Variants in ZNF276 observed in about 807,000 individuals in gnomAD.
The protein encoded by ZNF276 is zinc finger protein 276, also known as centromere protein Z.
In ZNF276, 59 loss-of-function variants were observed where a neutral mutation model predicts 63.9. That is an observed-to-expected ratio of 0.92 (90% CI 0.75 to 1.15). The LOEUF (loss-of-function observed/expected upper bound fraction) is 1.15, where lower values mean the gene tolerates loss of function less well. ZNF276 is among the 50% of genes most tolerant of loss of function. The pLI, the probability that ZNF276 is intolerant of heterozygous loss-of-function variation, is 0.00. For missense variants in ZNF276, 1,084 were observed against 843.8 expected, an observed-to-expected ratio of 1.28 and a Z score of -3.53; for synonymous variants, 496 against 348.4, an observed-to-expected ratio of 1.42 and a Z score of -4.72.
intron 2 of ZNF276, 115 bp downstream of exon 2, chr16:89,722,949 A>G: frequency 1.9e-6 from 3 of 1,556,630 alleles, no homozygotes; most frequent in South Asian, 2.4e-5. Context: ...GGAATGGGCC[A>G]TGCCCGGGTT....
Position 89,738,719 on chromosome 16 carries a change from G to C in ZNF276, c.*473G>C. The C allele has an allele frequency of 1.2e-6, 2 of 1,613,722 alleles. No homozygotes were observed. The highest frequency in any genetic ancestry group is 1.7e-6 in the Non-Finnish European group (2 of 1,179,858). ...ACGATCAGCCAGCAGCTGTGAGAGA[G>C]GAGCAGGTCCTCAGCCCATGCCGCC... is the stretch of plus-strand genomic sequence containing the variant. On this transcript the variant is annotated 3_prime_UTR_variant, in exon 11 of 11. Transcript: ENST00000443381.
At chr16:89,723,079 C>T (rs919216917) in intron 2 of ZNF276, 58 bp from the exon 3 acceptor site, 5 of 1,612,314 alleles carry the variant, frequency 3.1e-6, no homozygotes, top group Non-Finnish European at 4.2e-6. Context: ...TCCCGTACGA[C>T]GAGCGCTGTG....
chr16:89,722,355 C>T (rs1257326263), intron 1 of ZNF276, among the ~76,000 whole-genome samples, 176 bp from the exon 2 acceptor site: 1 of 152,244 alleles, frequency 6.6e-6, no homozygotes. Flanking sequence ...GGACCAGCGG[C>T]CACATCCCCC....
chr16:89,740,669 GTTCTCACTCACAC>G lies in ZNF276; in HGVS notation c.*2427_*2439del, dbSNP rs2062109228. On this transcript the variant is annotated 3_prime_UTR_variant, in exon 11 of 11. Coordinates refer to ENST00000443381, the MANE Select transcript of ZNF276 (RefSeq NM_001113525.2). ...AAAAAAAAAAACCCACGGCCTGGGA[GTTCTCACTCACAC>G]TTCCGCAAACACAAGGAGCTCCTGA... The G allele has an allele frequency of 1.4e-6, 1 of 697,600 alleles. No individual in the cohort carries two copies. Among genetic ancestry groups the G allele is most frequent in the Non-Finnish European group, 2.5e-6 (1 of 393,844 alleles). 43.2% of individuals were successfully genotyped at this position (697,600 alleles called of 1,614,324 possible).
intron 9 of ZNF276, among the ~76,000 whole-genome samples, chr16:89,737,080 G>A (rs1439814809): frequency 1.3e-5 from 2 of 152,274 alleles, no homozygotes; most frequent in South Asian, 2.1e-4. Context: ...CTTTGTTCAA[G>A]GGTGTGAGAA....
rs536287114 is a variant in ZNF276 at position 89,738,498 on chromosome 16, G to A, written c.*252G>A. 11 of 1,550,130 alleles carry A rather than the reference G, an allele frequency of 7.1e-6. No individual in the cohort carries two copies. Among genetic ancestry groups the A allele is most frequent in the East Asian group, 2.3e-5 (1 of 44,424 alleles). ...GATTCCTTTCCCCACTAAAGCAGTC[G>A]AGGAGATTTGTAATCCACTTTTTAG... On this transcript the variant is annotated 3_prime_UTR_variant, in exon 11 of 11. Transcript: ENST00000443381.
rs1359653342 is a variant in ZNF276 at position 89,738,141 on chromosome 16, A to C, written c.1740A>C (p.Thr580=). Residue 580 remains threonine (T), a synonymous_variant, in exon 11 of 11, where the codon ACA becomes ACC. Transcript: ENST00000443381. ...ACATGTCCATGGTGCACCCGCTGAC[A>C]CAGACCCAGGACAAGGCCCTGCCCC... ...NVHMSMVHPL[T]QTQDKALPLE... 6.2e-7 allele frequency: 1 copy of C among 1,613,642 alleles called. No homozygotes were observed. The highest frequency in any genetic ancestry group is 8.5e-7 in the Non-Finnish European group (1 of 1,179,998).
Position 89,739,350 on chromosome 16 carries a change from C to G in ZNF276, c.*1104C>G. On this transcript the variant is annotated 3_prime_UTR_variant, in exon 11 of 11. Transcript: ENST00000443381. ...CTGCTGGAAAGGTAGCAGGTGATGC[C>G]AAGGGATACTGCTCATCTGTGGAGC... 6.2e-7 allele frequency: 1 copy of G among 1,603,586 alleles called. No homozygotes were observed. The highest frequency in any genetic ancestry group is 8.5e-7 in the Non-Finnish European group (1 of 1,171,726).
rs769653192 is a variant in ZNF276, at chr16:89,739,552, G to A, written c.*1306G>A. 6.4e-7 allele frequency: 1 copy of A among 1,551,220 alleles called. No individual in the cohort carries two copies. The highest frequency in any genetic ancestry group is 1.2e-5 in the South Asian group (1 of 84,064). On this transcript the variant is annotated 3_prime_UTR_variant, in exon 11 of 11. Transcript: ENST00000443381. The stretch of plus-strand genomic sequence containing the variant: ...GGAGGAGGAGCCGCCCCAGCCTGAG[G>A]TCTGCAACACCAAGAAGTGGCTCAG...
upstream of ZNF276, chr16:89,720,957 G>A (rs898353886): frequency 3.5e-6 from 4 of 1,135,300 alleles, no homozygotes; most frequent in African/African-American, 1.6e-5. Context: ...AGCCGCCCGA[G>A]CAGCGGACCG....
chr16:89,739,056 G>A lies in ZNF276; in HGVS notation c.*810G>A. On this transcript the variant is annotated 3_prime_UTR_variant, in exon 11 of 11. Coordinates refer to ENST00000443381, the MANE Select transcript of ZNF276 (RefSeq NM_001113525.2). Reference sequence around the variant, plus strand: ...GTGTCCCCCATAGTCTGCATGCTGTGCCGGAACATTCTTTGGCAGAAGGAG... The same window carrying A: ...GTGTCCCCCATAGTCTGCATGCTGTACCGGAACATTCTTTGGCAGAAGGAG... 1.2e-6 allele frequency: 2 copies of A among 1,613,938 alleles called. No homozygotes were observed. Among genetic ancestry groups the A allele is most frequent in the Non-Finnish European group, 1.7e-6 (2 of 1,179,850 alleles).
rs1266034102 is a variant in ZNF276, at chr16:89,723,706, C to T, written c.1003C>T (p.Pro335Ser). Reference protein sequence around the residue: ...PQPSLPLCRAPGQLGEKQLPS... With the variant: ...PQPSLPLCRASGQLGEKQLPS... ...GCCAAGCCTGCCCCTTTGCAGGGCCCCAGGTAGGAGGCACCTCTTGCTGGT... is the reference window on the plus strand; with the variant it reads ...GCCAAGCCTGCCCCTTTGCAGGGCCTCAGGTAGGAGGCACCTCTTGCTGGT... Residue 335 changes from proline (P) to serine (S), a missense_variant, in exon 4 of 11, where the codon CCA becomes TCA. Coordinates refer to ENST00000443381, the MANE Select transcript of ZNF276 (RefSeq NM_001113525.2). 2 of 1,607,224 alleles carry T rather than the reference C, an allele frequency of 1.2e-6. No individual in the cohort carries two copies. The highest frequency in any genetic ancestry group is 3.3e-5 in the Admixed American group (2 of 59,856).
chr16:89,737,951 C>G (rs1209630009), intron 10 of ZNF276, 25 bp from the exon 11 acceptor site: 3 of 1,613,954 alleles, frequency 1.9e-6, no homozygotes, highest in African/African-American at 2.7e-5. Context: ...GCCCTCGCAC[C>G]TTCTTATCTG....
chr16:89,733,165 G>A (rs1342558748), intron 6 of ZNF276, 137 bp from the exon 7 acceptor site: 4 of 816,138 alleles, frequency 4.9e-6, no homozygotes, highest in South Asian at 1.7e-5. Context: ...GTGGCTTCAG[G>A]TAGATTCTGA....
At chr16:89,733,838 G>T in intron 8 of ZNF276, 83 bp from the exon 9 acceptor site, 1 of 1,294,630 alleles carries the variant, frequency 7.7e-7, no homozygotes. Context: ...GCCTTCCAGG[G>T]GCCTCAGCTG....
intron 6 of ZNF276, 77 bp from the exon 7 acceptor site, chr16:89,733,225 T>C: frequency 7.5e-7 from 1 of 1,337,714 alleles, no homozygotes; most frequent in Non-Finnish European, 1.1e-6. Flanking sequence ...AAAGACCATT[T>C]CTCAGGTTGG....
In ZNF276 at chr16:89,723,587, T is replaced by C; in HGVS notation, c.884T>C (p.Val295Ala). ...TSQGRGTGTP[V>A]GAETKTLPST... The stretch of plus-strand genomic sequence containing the variant: ...CAGGGTAGAGGGACAGGGACCCCAG[T>C]TGGGGCTGAGACCAAGACCCTGCCC... Residue 295 changes from valine to alanine, a missense_variant, in exon 4 of 11, where the codon GTT becomes GCT. Transcript: ENST00000443381. The C allele has an allele frequency of 6.2e-7, 1 of 1,612,804 alleles. No individual in the cohort carries two copies. The highest frequency in any genetic ancestry group is 8.5e-7 in the Non-Finnish European group (1 of 1,180,012).
chr16:89,735,842 G>A (rs2151699197), intron 9 of ZNF276, among the ~76,000 whole-genome samples: 1 of 151,840 alleles, frequency 6.6e-6, no homozygotes, highest in East Asian at 1.9e-4. Flanking sequence ...AGCCTCCTGA[G>A]TAGCTGGGAT....
Position 89,738,789 on chromosome 16 carries a change from C to T in ZNF276, c.*543C>T, listed in dbSNP as rs750141209. 11 of 1,612,962 alleles carry T rather than the reference C, an allele frequency of 6.8e-6. No homozygotes were observed. The East Asian group carries it at 1.1e-4, about 16-fold the overall frequency. On this transcript the variant is annotated 3_prime_UTR_variant, in exon 11 of 11. Transcript: ENST00000443381. The stretch of plus-strand genomic sequence containing the variant: ...GGGGAGGGGCTCTGGCAGAAATAGT[C>T]GAGTTGTATTGCCAGCCAGGCAGGC...
Sources: gnomAD v4.1 joint callset for allele counts (sites outside exome capture counted in the v4.1 genomes callset) on GRCh38, gnomAD v4.1.1 for gene constraint, MANE v1.5 for transcripts, NCBI Gene and HGNC (gene_info 2026-07-23, HGNC 2026-07-21) for gene names.